The following MYO10 variants were observed in gnomAD, a reference collection of about 807,000 sequenced individuals.
MYO10 encodes the protein unconventional myosin-X.
MYO10 carries 133 observed loss-of-function variants against 257.3 expected under a neutral mutation model. The ratio of observed to expected loss-of-function variants is 0.52; its 90% CI spans 0.45 to 0.60. The LOEUF (loss-of-function observed/expected upper bound fraction) is 0.60. Ranked by LOEUF, MYO10 falls within the 20% of genes least tolerant of loss-of-function variation. The pLI is 0.00. For missense variants in MYO10, 2,399 were observed against 2,635.7 expected, an observed-to-expected ratio of 0.91 and a Z score of 1.97; for synonymous variants, 1,104 against 1,028.6, an observed-to-expected ratio of 1.07 and a Z score of -1.40.
intron 19 of MYO10, among the ~76,000 whole-genome samples, chr5:16,740,485 C>T (rs546945136): frequency 1.3e-5 from 2 of 152,204 alleles, no homozygotes; most frequent in African/African-American, 4.8e-5. Flanking sequence ...TCAGTAAGTT[C>T]ATCAGGATAA....
chr5:16,904,877 C>T (rs1160335881), intron 1 of MYO10, among the ~76,000 whole-genome samples: 6 of 151,338 alleles, frequency 4.0e-5, no homozygotes, highest in Admixed American at 6.6e-5. Flanking sequence ...TGCAGTGAGC[C>T]GAGATCACAC....
chr5:16,692,610 A>C (rs566130624), intron 27 of MYO10, among the ~76,000 whole-genome samples: 1 of 152,258 alleles, frequency 6.6e-6, no homozygotes, highest in Non-Finnish European at 1.5e-5. Flanking sequence ...TTGCTATAAA[A>C]GGAGGTGGTT....
chr5:16,672,445 T>C (rs540527023), intron 37 of MYO10, among the ~76,000 whole-genome samples: 1 of 152,092 alleles, frequency 6.6e-6, no homozygotes, highest in South Asian at 2.1e-4. Context: ...GGGTCCAACA[T>C]GGAACTGAGA....
chr5:16,747,918 CAA>C (rs777257950), intron 19 of MYO10, among the ~76,000 whole-genome samples: 26 of 30,458 alleles, frequency 8.5e-4, no homozygotes, highest in South Asian at 6.0e-3. Flanking sequence ...AACTCCGTCT[CAA>C]AAAAAAAAAA....
intron 28 of MYO10, among the ~76,000 whole-genome samples, chr5:16,688,506 T>C (rs1221882966): frequency 1.3e-5 from 2 of 152,106 alleles, no homozygotes; most frequent in African/African-American, 2.4e-5. Flanking sequence ...TTTGGGAGGC[T>C]GAGATGGGCA....
intron 2 of MYO10, among the ~76,000 whole-genome samples, chr5:16,852,050 C>CAAAAAAAA (rs70943811): frequency 9.4e-5 from 4 of 42,570 alleles, no homozygotes; most frequent in African/African-American, 2.2e-4. Context: ...GACTCCATCT[C>CAAAAAAAA]AAAAAAAAAA....
chr5:16,809,209 G>A (rs1742363011), intron 3 of MYO10, among the ~76,000 whole-genome samples: 1 of 151,568 alleles, frequency 6.6e-6, no homozygotes, highest in Admixed American at 6.6e-5. Flanking sequence ...TCCTGACTGT[G>A]TTCATCTGCC....
chr5:16,895,519 C>T (rs1202332014), intron 1 of MYO10, among the ~76,000 whole-genome samples: 1 of 152,126 alleles, frequency 6.6e-6, no homozygotes, highest in South Asian at 2.1e-4. Context: ...AACAAAGGCC[C>T]TCTGCTTCCC....
chr5:16,871,446 C>G (rs1467164426), intron 2 of MYO10, among the ~76,000 whole-genome samples: 1 of 152,116 alleles, frequency 6.6e-6, no homozygotes, highest in African/African-American at 2.4e-5. Flanking sequence ...AAAACCCCAT[C>G]TCTACAAAAA....
chr5:16,821,309 C>T (rs1054959541), intron 2 of MYO10, among the ~76,000 whole-genome samples: 3 of 149,920 alleles, frequency 2.0e-5, no homozygotes, highest in African/African-American at 2.4e-5. Flanking sequence ...TTTTTTGATG[C>T]ACCAGGAATA....
chr5:16,918,182 G>GTTTC, intron 1 of MYO10, among the ~76,000 whole-genome samples: 1 of 152,300 alleles, frequency 6.6e-6, no homozygotes, highest in Non-Finnish European at 1.5e-5. Context: ...GAAAGAAACA[G>GTTTC]TTTCAAGTTT....
chr5:16,826,898 C>T (rs1743017354), intron 2 of MYO10, among the ~76,000 whole-genome samples: 1 of 152,138 alleles, frequency 6.6e-6, no homozygotes. Flanking sequence ...TAAACAAAAA[C>T]GAGCTTATGT....
intron 5 of MYO10, among the ~76,000 whole-genome samples, chr5:16,782,200 T>C (rs529127052): frequency 1.1e-3 from 161 of 152,200 alleles, no homozygotes; most frequent in Admixed American, 2.0e-3. Context: ...CACCTATTTG[T>C]TGTATGTCCC....
At chr5:16,824,870 GAAACA>G (rs1039364285) in intron 2 of MYO10, among the ~76,000 whole-genome samples, 1 of 151,846 alleles carries the variant, frequency 6.6e-6, no homozygotes, top group African/African-American at 2.4e-5. Flanking sequence ...CTGTCTCAAA[GAAACA>G]AAACAAAACA....
In MYO10 at chr5:16,769,062, G is replaced by A; in HGVS notation, c.1060+12C>T. On this transcript the variant is annotated intron_variant, in intron 10 of 40. Transcript: ENST00000513610. The stretch of plus-strand genomic sequence containing the variant: ...CAAAGGGAGCGAGGAGGGCAGGCAG[G>A]CATAATCTTACCTGTTTTGAAGGAA... The A allele has an allele frequency of 1.9e-6, 3 of 1,604,076 alleles. 1 individual carries two copies. The South Asian group carries it at 3.4e-5, about 18-fold the overall frequency.
At chr5:16,935,652 G>A (rs1456992397) in intron 1 of MYO10, 136 bp downstream of exon 1, 3 of 967,276 alleles carry the variant, frequency 3.1e-6, no homozygotes, top group Non-Finnish European at 4.9e-6. Flanking sequence ...CGGGGGGATG[G>A]GGGGTGATTT....
intron 27 of MYO10, among the ~76,000 whole-genome samples, chr5:16,690,523 C>G (rs1205993352): frequency 6.6e-6 from 1 of 152,150 alleles, no homozygotes; most frequent in Non-Finnish European, 1.5e-5. Context: ...AGGCTCTCTC[C>G]CCTCACACTG....
chr5:16,807,900 G>C (rs1742325580), intron 3 of MYO10, among the ~76,000 whole-genome samples: 1 of 151,976 alleles, frequency 6.6e-6, no homozygotes, highest in East Asian at 1.9e-4. Context: ...TTCATCGTTT[G>C]CCTGTGTCTG....
intron 19 of MYO10, among the ~76,000 whole-genome samples, chr5:16,728,445 G>C (rs1318768607): frequency 6.6e-6 from 1 of 151,682 alleles, no homozygotes; most frequent in Admixed American, 6.6e-5. Context: ...AAGATAGAAA[G>C]CAGAACTGCC....
Sources: gnomAD v4.1 joint callset for allele counts (sites outside exome capture counted in the v4.1 genomes callset) on GRCh38, gnomAD v4.1.1 for gene constraint, MANE v1.5 for transcripts, NCBI Gene and HGNC (gene_info 2026-07-23, HGNC 2026-07-21) for gene names.